MBOAT2: variants seen among roughly 807,000 people sequenced by gnomAD.
MBOAT2 encodes membrane bound glycerophospholipid O-acyltransferase 2, also known as membrane-bound glycerophospholipid O-acyltransferase 2.
MBOAT2 carries 28 observed loss-of-function variants against 63.4 expected under a neutral mutation model. The ratio of observed to expected loss-of-function variants is 0.44; its 90% CI spans 0.33 to 0.61. MBOAT2 has a LOEUF of 0.61. Ranked by LOEUF, MBOAT2 falls within the 20% of genes least tolerant of loss-of-function variation. MBOAT2 has a pLI of 0.03. For missense variants in MBOAT2, 470 were observed against 605.8 expected (o/e 0.78, Z 2.35); for synonymous variants, 211 against 215.6 (o/e 0.98, Z 0.19).
At chr2:8,951,751 T>C (rs1292565660) in intron 2 of MBOAT2, among the ~76,000 whole-genome samples, 2 of 152,356 alleles carry the variant, frequency 1.3e-5, no homozygotes, top group African/African-American at 2.4e-5. Context: ...AGGATCTTTT[T>C]GTATTTCTGT....
intron 1 of MBOAT2, among the ~76,000 whole-genome samples, chr2:9,000,403 A>G (rs1672599757): frequency 6.6e-6 from 1 of 152,224 alleles, no homozygotes. Context: ...ATTTTACAAA[A>G]TTGAGTTTTT....
chr2:8,944,571 AAT>A (rs1281356763), intron 2 of MBOAT2, among the ~76,000 whole-genome samples: 3 of 151,974 alleles, frequency 2.0e-5, no homozygotes, highest in African/African-American at 7.3e-5. Context: ...ATAAACCAGT[AAT>A]AGTCTCCAAG....
At chr2:8,990,780 C>G (rs1033619301) in intron 1 of MBOAT2, among the ~76,000 whole-genome samples, 7 of 152,030 alleles carry the variant, frequency 4.6e-5, no homozygotes, top group African/African-American at 1.7e-4. Flanking sequence ...TGTTTGATGC[C>G]AAGTTTACCA....
intron 1 of MBOAT2, among the ~76,000 whole-genome samples, chr2:9,000,895 G>A (rs1420501584): frequency 2.0e-5 from 3 of 152,010 alleles, no homozygotes; most frequent in Admixed American, 6.6e-5. Flanking sequence ...TAATAACAGC[G>A]TAAAACATAC....
intron 1 of MBOAT2, among the ~76,000 whole-genome samples, chr2:8,982,288 G>A (rs1247145635): frequency 6.6e-6 from 1 of 152,152 alleles, no homozygotes; most frequent in African/African-American, 2.4e-5. Flanking sequence ...CCTGGAGAAA[G>A]CTGTACTACA....
rs1661227749 is a variant in MBOAT2 at position 8,858,135 on chromosome 2, G to A, written c.*544C>T. 6.5e-6 allele frequency: 1 copy of A among 152,844 alleles called. No individual in the cohort carries two copies. Among genetic ancestry groups the A allele is most frequent in the Non-Finnish European group, 1.5e-5 (1 of 68,114 alleles). The allele number at this position is 152,844 out of a possible 1,614,324, so 9.5% of individuals were successfully genotyped here. On this transcript the variant is annotated 3_prime_UTR_variant, in exon 13 of 13. Transcript: ENST00000305997. ...AAGAAAACCCTTCAAATACTGAGATGTTTATTGCATTTTAAAAATATCCAC... is the reference window on the plus strand; with the variant it reads ...AAGAAAACCCTTCAAATACTGAGATATTTATTGCATTTTAAAAATATCCAC...
chr2:8,964,427 G>C (rs1403841286), intron 1 of MBOAT2, among the ~76,000 whole-genome samples: 1 of 149,396 alleles, frequency 6.7e-6, no homozygotes, highest in Non-Finnish European at 1.5e-5. Flanking sequence ...AATACCCAGA[G>C]TAGAACCTCC....
chr2:8,971,769 T>A (rs1314756810), intron 1 of MBOAT2, among the ~76,000 whole-genome samples: 9 of 152,142 alleles, frequency 5.9e-5, no homozygotes, highest in African/African-American at 2.2e-4. Context: ...CATTCACAAT[T>A]GCTTCAAAGA....
At chr2:8,978,435 T>G (rs1670979094) in intron 1 of MBOAT2, among the ~76,000 whole-genome samples, 1 of 152,164 alleles carries the variant, frequency 6.6e-6, no homozygotes, top group Non-Finnish European at 1.5e-5. Context: ...TGTAAACAAT[T>G]TTACTTATTT....
chr2:8,911,404 C>A (rs756155357), intron 3 of MBOAT2, among the ~76,000 whole-genome samples: 15 of 152,116 alleles, frequency 9.9e-5, no homozygotes, highest in Admixed American at 7.2e-4. Context: ...AAGACTGCTG[C>A]CATCAATAAC....
In MBOAT2 at chr2:8,856,309, AAAAAC is replaced by A. The variant is rs1221453773; in HGVS notation, c.*2365_*2369del. On this transcript the variant is annotated 3_prime_UTR_variant, in exon 13 of 13. Transcript: ENST00000305997. This position sits in a 1 kb window ranked among gnomAD's most constrained non-coding sequence, Gnocchi z 4.2. ...GGTGGCTAGATAGGCTGAACCAAAA[AAAAAC>A]ACACACACACACACACACACACACA... 2.1e-5 allele frequency: 3 copies of A among 140,064 alleles called. No homozygotes were observed. Among genetic ancestry groups the A allele is most frequent in the Non-Finnish European group, 4.5e-5 (3 of 67,112 alleles). 8.7% of individuals were successfully genotyped at this position (140,064 alleles called of 1,614,324 possible). A position where few individuals can be genotyped will look rare whatever the true frequency, so the allele number is the denominator to read the frequency against.
chr2:8,938,015 T>C (rs73916027), intron 3 of MBOAT2, among the ~76,000 whole-genome samples: 3,070 of 152,208 alleles, frequency 0.02, 76 homozygotes, highest in African/African-American at 0.062. Flanking sequence ...AGCACACAGA[T>C]TGCACCTACC....
intron 4 of MBOAT2, among the ~76,000 whole-genome samples, chr2:8,905,073 C>T (rs1236562901): frequency 6.6e-6 from 1 of 152,206 alleles, no homozygotes; most frequent in Non-Finnish European, 1.5e-5. Context: ...AGATTTCACA[C>T]TGATTCCTCA....
intron 1 of MBOAT2, among the ~76,000 whole-genome samples, chr2:8,960,169 T>A (rs1056724136): frequency 6.6e-6 from 1 of 152,126 alleles, no homozygotes. Context: ...AAGCAAAAAG[T>A]GAATAGAATG....
rs1410434133 is a variant in MBOAT2, at chr2:8,979,805, C to A, written c.76-21163G>T. Reference sequence around the variant, plus strand: ...CATAGATTCTTACATAAGGTGTGATCAACAAAGATTCTTTCATGTTGTGCT... The same window carrying A: ...CATAGATTCTTACATAAGGTGTGATAAACAAAGATTCTTTCATGTTGTGCT... On this transcript the variant is annotated intron_variant, in intron 1 of 12. Transcript: ENST00000305997. Among the ~76,000 whole-genome samples, 6 of 152,210 alleles carry A rather than the reference C, an allele frequency of 3.9e-5. No homozygotes were observed. In the East Asian group the frequency reaches 5.8e-4, roughly 15 times the overall value.
chr2:8,928,995 A>G (rs1409540959), intron 3 of MBOAT2, among the ~76,000 whole-genome samples: 2 of 152,244 alleles, frequency 1.3e-5, no homozygotes, highest in Non-Finnish European at 2.9e-5. Context: ...AGAGACACCA[A>G]GAACAGAACA....
At chr2:8,973,035 T>C (rs1670562807) in intron 1 of MBOAT2, among the ~76,000 whole-genome samples, 2 of 152,130 alleles carry the variant, frequency 1.3e-5, no homozygotes, top group Non-Finnish European at 2.9e-5. Context: ...ACCCAAAGGA[T>C]TATAAATCAT....
chr2:8,976,623 A>C (rs1670829649), intron 1 of MBOAT2, among the ~76,000 whole-genome samples: 2 of 152,166 alleles, frequency 1.3e-5, no homozygotes, highest in African/African-American at 4.8e-5. Flanking sequence ...CCCATCCCTG[A>C]ACAGGAAGAA....
chr2:8,945,910 T>C (rs993173322), intron 2 of MBOAT2, among the ~76,000 whole-genome samples: 2 of 152,228 alleles, frequency 1.3e-5, no homozygotes, highest in Admixed American at 1.3e-4. Flanking sequence ...GTCTACCTTC[T>C]GAAAGGCACT....
Sources: allele counts gnomAD v4.1 joint callset (sites outside exome capture counted in the v4.1 genomes callset), GRCh38; gene constraint gnomAD v4.1.1; non-coding constraint Gnocchi (gnomAD v3.1); transcripts MANE v1.5; gene names NCBI Gene and HGNC (gene_info 2026-07-23, HGNC 2026-07-21).